Variants in TENM1 observed in about 807,000 individuals in gnomAD.
The protein encoded by TENM1 is teneurin transmembrane protein 1.
TENM1 carries 35 observed loss-of-function variants against 174.8 expected under a neutral mutation model. The ratio of observed to expected loss-of-function variants is 0.20; its 90% CI spans 0.15 to 0.27. The LOEUF (loss-of-function observed/expected upper bound fraction) is 0.27. Among genes scored for constraint, TENM1 ranks in the 10% least tolerant of loss-of-function variants. TENM1 has a pLI of 1.00. For synonymous variants in TENM1, 781 were observed against 798.7 expected (o/e 0.98, Z 0.37); for missense variants, 1,633 against 2,130.1 (o/e 0.77, Z 4.59).
At chrX:124,514,158 A>T (rs1158456244) in intron 18 of TENM1, among the ~76,000 whole-genome samples, 6 of 111,135 alleles carry the variant, frequency 5.4e-5, no homozygotes, top group Non-Finnish European at 1.1e-4. Flanking sequence ...TATGAAATAT[A>T]CCTCAATAAG....
chrX:125,188,245 G>A, the TENM1 span, among the ~76,000 whole-genome samples: 1 of 110,828 alleles, frequency 9.0e-6, no homozygotes, highest in East Asian at 2.8e-4. Flanking sequence ...AGGTGGGAGG[G>A]TCATTTGAGC....
chrX:124,827,466 G>A (rs1011525406), intron 3 of TENM1, among the ~76,000 whole-genome samples: 2 of 112,188 alleles, frequency 1.8e-5, no homozygotes, highest in African/African-American at 6.5e-5. Context: ...CAACAAAGGG[G>A]CTTCTCATGC....
intron 11 of TENM1, among the ~76,000 whole-genome samples, chrX:124,587,626 T>C (rs1253121616): frequency 9.0e-6 from 1 of 110,923 alleles, no homozygotes; most frequent in Non-Finnish European, 1.9e-5. Flanking sequence ...GACATAGGCA[T>C]GGGCAAGGAC....
At chrX:124,511,059 C>CTA (rs765660076) in intron 18 of TENM1, among the ~76,000 whole-genome samples, 110 of 111,905 alleles carry the variant, frequency 9.8e-4, no homozygotes, top group Non-Finnish European at 1.1e-3. Flanking sequence ...TTTGGATATC[C>CTA]TATATCTTAT....
the TENM1 span, among the ~76,000 whole-genome samples, chrX:124,977,987 A>T: frequency 7.7e-3 from 634 of 82,141 alleles, 5 homozygotes; most frequent in Admixed American, 0.016. Context: ...AGAGAGAGAG[A>T]GAGAGAGAGA....
chrX:125,048,639 T>C, the TENM1 span, among the ~76,000 whole-genome samples: 1 of 111,169 alleles, frequency 9.0e-6, no homozygotes, highest in Admixed American at 9.6e-5. Flanking sequence ...TGAAGGTTGT[T>C]AGTAAGACTA....
At chrX:124,631,152 T>C (rs754020609) in intron 11 of TENM1, among the ~76,000 whole-genome samples, 1 of 111,870 alleles carries the variant, frequency 8.9e-6, no homozygotes, top group Non-Finnish European at 1.9e-5. Flanking sequence ...AGACTTCATA[T>C]GCTGTATTTA....
the TENM1 span, among the ~76,000 whole-genome samples, chrX:125,079,735 A>G: frequency 9.0e-6 from 1 of 111,504 alleles, no homozygotes; most frequent in East Asian, 2.8e-4. Context: ...AGAAAACATC[A>G]TAAAGAGGAA....
the TENM1 span, among the ~76,000 whole-genome samples, chrX:125,060,412 T>C: frequency 9.0e-6 from 1 of 110,953 alleles, no homozygotes; most frequent in African/African-American, 3.3e-5. Flanking sequence ...TAAGGACCTC[T>C]AGAATGATAA....
At chrX:124,567,846 T>C (rs1230935757) in intron 11 of TENM1, among the ~76,000 whole-genome samples, 2 of 111,782 alleles carry the variant, frequency 1.8e-5, no homozygotes, top group Admixed American at 1.9e-4. Flanking sequence ...CATTAAAAAC[T>C]GAACTGAAAG....
At chrX:124,667,946 C>T (rs1167614209) in intron 6 of TENM1, among the ~76,000 whole-genome samples, 1 of 111,047 alleles carries the variant, frequency 9.0e-6, no homozygotes, top group Non-Finnish European at 1.9e-5. Flanking sequence ...TGCCATTCAT[C>T]GCCATTCTAA....
rs112471495 is a variant in TENM1 at position 124,872,841 on chromosome X, C to T, written c.535+21455G>A. ...GATCTCCAAACATAGTTCTTTCAAGCAAACAAGAAAGTATATCCCCTCTAT... is the reference window on the plus strand; with the variant it reads ...GATCTCCAAACATAGTTCTTTCAAGTAAACAAGAAAGTATATCCCCTCTAT... On this transcript the variant is annotated intron_variant, in intron 3 of 31. Coordinates refer to ENST00000422452, the Ensembl canonical transcript of TENM1. Among the ~76,000 whole-genome samples the T allele has an allele frequency of 8.4e-3, 930 of 111,234 alleles. 12 individuals are homozygous for T. The highest frequency in any genetic ancestry group is 0.029 in the African/African-American group (884 of 30,639).
chrX:125,025,587 C>T, the TENM1 span, among the ~76,000 whole-genome samples: 3 of 110,985 alleles, frequency 2.7e-5, no homozygotes, highest in East Asian at 8.6e-4. Flanking sequence ...GAGGTGTGTC[C>T]ATGATAAAAG....
chrX:124,497,379 GCAT>G, intron 19 of TENM1, 114 bp from the exon 23 acceptor site: 1 of 781,313 alleles, frequency 1.3e-6, no homozygotes, highest in Admixed American at 3.6e-5. Flanking sequence ...CTTTGGCCTG[GCAT>G]AAGAGAACCT....
chrX:124,635,301 G>T (rs2050853555), intron 11 of TENM1, among the ~76,000 whole-genome samples: 2 of 112,133 alleles, frequency 1.8e-5, no homozygotes, highest in Admixed American at 1.9e-4. Flanking sequence ...ATATCTTTCT[G>T]ATGGACAAGG....
the TENM1 span, among the ~76,000 whole-genome samples, chrX:124,994,885 T>C: frequency 9.0e-6 from 1 of 111,147 alleles, no homozygotes; most frequent in East Asian, 2.8e-4. Flanking sequence ...ATCATTTCTC[T>C]GCTTGAAACT....
chrX:124,802,901 T>C (rs969608547), intron 3 of TENM1, among the ~76,000 whole-genome samples: 1 of 112,371 alleles, frequency 8.9e-6, no homozygotes, highest in Non-Finnish European at 1.9e-5. Context: ...GTAGTATCTA[T>C]GTCATCAATA....
At chrX:124,657,173 A>G (rs752603866) in intron 6 of TENM1, among the ~76,000 whole-genome samples, 2 of 111,870 alleles carry the variant, frequency 1.8e-5, no homozygotes, top group African/African-American at 3.3e-5. Flanking sequence ...AAACCTAGGA[A>G]GACCATATTC....
intron 29 of TENM1, among the ~76,000 whole-genome samples, chrX:124,385,110 C>A (rs1288011691): frequency 8.9e-6 from 1 of 112,236 alleles, no homozygotes; most frequent in Non-Finnish European, 1.9e-5. Context: ...GAAGTAATAA[C>A]ACATCCAGTA....
Sources: gnomAD v4.1 joint callset for allele counts (sites outside exome capture counted in the v4.1 genomes callset) on GRCh38, gnomAD v4.1.1 for gene constraint, MANE v1.5 for transcripts, NCBI Gene and HGNC (gene_info 2026-07-23, HGNC 2026-07-21) for gene names.